ZSWIM5: variants seen among roughly 807,000 people sequenced by gnomAD.
ZSWIM5 encodes zinc finger SWIM-type containing 5.
A neutral mutation model predicts 119.6 loss-of-function variants in ZSWIM5; 55 were observed. That is an observed-to-expected ratio of 0.46 (90% CI 0.37 to 0.58). The LOEUF (loss-of-function observed/expected upper bound fraction) is 0.58, where lower values mean the gene tolerates loss of function less well. Ranked by LOEUF, ZSWIM5 falls within the 20% of genes least tolerant of loss-of-function variation. ZSWIM5 has a pLI of 0.00. For synonymous variants in ZSWIM5, 537 were observed against 606.9 expected (o/e 0.88, Z 1.69); for missense variants, 1,193 against 1,512.8 (o/e 0.79, Z 3.51).
At chr1:45,099,849 C>G (rs1255986111) in intron 1 of ZSWIM5, among the ~76,000 whole-genome samples, 2 of 151,914 alleles carry the variant, frequency 1.3e-5, no homozygotes, top group Non-Finnish European at 2.9e-5. Flanking sequence ...AATTCAACAG[C>G]CTTCATGCTA....
intron 2 of ZSWIM5, among the ~76,000 whole-genome samples, chr1:45,066,013 T>TC (rs1467401954): frequency 1.2e-4 from 5 of 43,120 alleles, no homozygotes; most frequent in African/African-American, 3.8e-4. Flanking sequence ...CCCTCCCCCC[T>TC]CCCCCCACCC....
intron 11 of ZSWIM5, among the ~76,000 whole-genome samples, chr1:45,024,662 A>G (rs573722274): frequency 6.7e-6 from 1 of 149,548 alleles, no homozygotes; most frequent in Non-Finnish European, 1.5e-5. Context: ...TTATTTATTT[A>G]TTTATTTTTT....
At chr1:45,125,054 TAGA>T (rs1645612227) in intron 1 of ZSWIM5, among the ~76,000 whole-genome samples, 2 of 146,060 alleles carry the variant, frequency 1.4e-5, no homozygotes. Flanking sequence ...AATAAATATA[TAGA>T]AGAACTCAAC....
chr1:45,206,545 G>A lies in ZSWIM5; in HGVS notation c.-195C>T. 1 of 1,013,834 alleles carries A rather than the reference G, an allele frequency of 9.9e-7. No individual in the cohort carries two copies. The highest frequency in any genetic ancestry group is 4.6e-5 in the South Asian group (1 of 21,566). 62.8% of individuals were successfully genotyped at this position (1,013,834 alleles called of 1,614,324 possible). A position where few individuals can be genotyped will look rare whatever the true frequency, so the allele number is the denominator to read the frequency against. On this transcript the variant is annotated 5_prime_UTR_variant, in exon 1 of 14. Coordinates refer to ENST00000359600, the MANE Select transcript of ZSWIM5 (RefSeq NM_020883.2). Reference sequence around the variant, plus strand: ...GGAGCGCGCCGCGAGGGCAGACGCGGGCGGCCTGCAGGGTAGCGTGAGGCG... The same window carrying A: ...GGAGCGCGCCGCGAGGGCAGACGCGAGCGGCCTGCAGGGTAGCGTGAGGCG...
At chr1:45,096,786 A>G (rs186787467) in intron 1 of ZSWIM5, among the ~76,000 whole-genome samples, 36 of 152,288 alleles carry the variant, frequency 2.4e-4, no homozygotes, top group African/African-American at 8.2e-4. Flanking sequence ...TTAGAACTGT[A>G]AGAATAAAAT....
chr1:45,144,077 T>C (rs1375301782), intron 1 of ZSWIM5, among the ~76,000 whole-genome samples: 2 of 152,174 alleles, frequency 1.3e-5, no homozygotes, highest in Non-Finnish European at 2.9e-5. Context: ...CTAAACTTGA[T>C]ATATAGGTTT....
intron 4 of ZSWIM5, among the ~76,000 whole-genome samples, chr1:45,055,588 G>A (rs1645117120): frequency 6.6e-6 from 1 of 152,174 alleles, no homozygotes; most frequent in Admixed American, 6.5e-5. Flanking sequence ...GGAGCTCAGG[G>A]GAAAGATCAG....
intron 2 of ZSWIM5, chr1:45,070,027 C>T (rs982262791): frequency 3.8e-6 from 3 of 783,060 alleles, no homozygotes; most frequent in Non-Finnish European, 7.0e-6. Context: ...ACTTGAGTAG[C>T]TATGAAAAAC....
Position 45,065,288 on chromosome 1 carries a change from A to T in ZSWIM5, c.953-5041T>A, listed in dbSNP as rs558304646. Among the ~76,000 whole-genome samples, 3 of 152,318 alleles carry T rather than the reference A, an allele frequency of 2.0e-5. No individual in the cohort carries two copies. The East Asian group carries it at 5.8e-4, about 29-fold the overall frequency. ...GGTGCTCCAGCAGCAGAGGGCAGAG[A>T]TGGTTTGAATACCAATTCTGACCCT... On this transcript the variant is annotated intron_variant, in intron 2 of 13. Coordinates refer to ENST00000359600, the MANE Select transcript of ZSWIM5 (RefSeq NM_020883.2).
intron 1 of ZSWIM5, among the ~76,000 whole-genome samples, chr1:45,096,453 T>C (rs577818156): frequency 4.8e-5 from 7 of 145,328 alleles, no homozygotes; most frequent in Admixed American, 2.7e-4. Flanking sequence ...TGTGTGTGTG[T>C]GTGTGTGTGC....
intron 1 of ZSWIM5, among the ~76,000 whole-genome samples, chr1:45,166,837 G>A (rs901205913): frequency 6.6e-6 from 1 of 152,034 alleles, no homozygotes; most frequent in Non-Finnish European, 1.5e-5. Context: ...CAAACAAATG[G>A]AAGAACATTC....
rs1325291220 is a variant in ZSWIM5 at position 45,018,907 on chromosome 1, A to G, written c.3105T>C (p.Thr1035=). 6.2e-7 allele frequency: 1 copy of G among 1,614,100 alleles called. No individual in the cohort carries two copies. The highest frequency in any genetic ancestry group is 2.2e-5 in the East Asian group (1 of 44,896). Residue 1035 remains threonine, a synonymous_variant, in exon 14 of 14, where the codon ACT becomes ACC. Transcript: ENST00000359600. This position sits in a 1 kb window ranked among gnomAD's most constrained non-coding sequence, Gnocchi z 6.7. ...SHLNLAYNQD[T]HPAINDVLWA... is the part of the protein sequence containing the mutation. The stretch of plus-strand genomic sequence containing the variant: ...AGAGCACATCATTGATGGCTGGGTG[A>G]GTATCCTGGTTGTAGGCCAGGTTAA...
At chr1:45,106,012 G>C (rs1415604904) in intron 1 of ZSWIM5, among the ~76,000 whole-genome samples, 3 of 147,666 alleles carry the variant, frequency 2.0e-5, no homozygotes, top group South Asian at 2.2e-4. Flanking sequence ...CCTCTGCCCG[G>C]CCGCCCCGTC....
chr1:45,171,690 A>C lies in ZSWIM5; in HGVS notation c.595+34066T>G, dbSNP rs1431535031. On this transcript the variant is annotated intron_variant, in intron 1 of 13. Coordinates refer to ENST00000359600, the MANE Select transcript of ZSWIM5 (RefSeq NM_020883.2). Reference sequence around the variant, plus strand: ...TAAAGCACTATCAAAGGGGCTTTGTAAGAGTGAACATTAACCAATACTATC... The same window carrying C: ...TAAAGCACTATCAAAGGGGCTTTGTCAGAGTGAACATTAACCAATACTATC... Among the ~76,000 whole-genome samples, 13 of 152,144 alleles carry C rather than the reference A, an allele frequency of 8.5e-5. 2 individuals carry two copies. Among genetic ancestry groups the C allele is most frequent in the Admixed American group, 8.5e-4 (13 of 15,260 alleles).
At chr1:45,129,331 TG>T (rs1439868365) in intron 1 of ZSWIM5, among the ~76,000 whole-genome samples, 1 of 151,846 alleles carries the variant, frequency 6.6e-6, no homozygotes, top group Non-Finnish European at 1.5e-5. Context: ...GCTAATTTTT[TG>T]TATTTTAATA....
intron 1 of ZSWIM5, among the ~76,000 whole-genome samples, chr1:45,193,848 GCCCTTTTA>G (rs1405810771): frequency 1.3e-5 from 2 of 151,814 alleles, no homozygotes; most frequent in East Asian, 3.9e-4. Context: ...CCATCATTTT[GCCCTTTTA>G]CAGTTGAAAA....
intron 1 of ZSWIM5, among the ~76,000 whole-genome samples, chr1:45,127,686 G>T (rs1041166368): frequency 2.0e-5 from 3 of 151,768 alleles, no homozygotes; most frequent in African/African-American, 4.8e-5. Flanking sequence ...CCATCCTTCC[G>T]CCTCAGCCTC....
chr1:45,197,044 C>G (rs892947204), intron 1 of ZSWIM5, among the ~76,000 whole-genome samples: 2 of 152,178 alleles, frequency 1.3e-5, no homozygotes, highest in African/African-American at 4.8e-5. Flanking sequence ...CCAAAACAAC[C>G]AATAGGCTGT....
intron 4 of ZSWIM5, among the ~76,000 whole-genome samples, chr1:45,053,127 C>CAAAAAA (rs60199581): frequency 1.5e-4 from 18 of 122,158 alleles, no homozygotes; most frequent in African/African-American, 1.9e-4. Flanking sequence ...CCGTCTCAAA[C>CAAAAAA]AAAAAAAAAA....
Sources: gnomAD v4.1 joint callset for allele counts (sites outside exome capture counted in the v4.1 genomes callset) on GRCh38, gnomAD v4.1.1 for gene constraint, Gnocchi (gnomAD v3.1) non-coding constraint, MANE v1.5 for transcripts, NCBI Gene and HGNC (gene_info 2026-07-23, HGNC 2026-07-21) for gene names.